The following GALNT11 variants were observed in gnomAD, a reference collection of about 807,000 sequenced individuals.
GALNT11 encodes the protein polypeptide N-acetylgalactosaminyltransferase 11, also known as UDP-GalNAc:polypeptide N-acetylgalactosaminyltransferase 11.
Under a neutral mutation model 72.7 loss-of-function variants are expected in GALNT11, and 47 were observed. That is an observed-to-expected ratio of 0.65 (90% CI 0.51 to 0.82). The LOEUF (loss-of-function observed/expected upper bound fraction) is 0.82, where lower values mean the gene tolerates loss of function less well. GALNT11 is among the 40% of genes least tolerant of loss of function. The pLI is 0.00. For synonymous variants in GALNT11, 270 were observed against 286.6 expected (o/e 0.94, Z 0.58); for missense variants, 677 against 778.4 (o/e 0.87, Z 1.55).
chr7:152,065,120 A>C (rs2084234095), intron 1 of GALNT11, among the ~76,000 whole-genome samples: 1 of 152,090 alleles, frequency 6.6e-6, no homozygotes, highest in Non-Finnish European at 1.5e-5. Context: ...CTTTTCACAT[A>C]GTCTCATATT....
At chr7:152,041,768 G>A (rs1403352855) in intron 1 of GALNT11, among the ~76,000 whole-genome samples, 2 of 152,192 alleles carry the variant, frequency 1.3e-5, no homozygotes, top group East Asian at 3.8e-4. Flanking sequence ...CCTAGAGCAG[G>A]TCATATCCAA....
intron 4 of GALNT11, chr7:152,103,795 G>A (rs76557819): frequency 0.02 from 3,055 of 153,904 alleles, 107 homozygotes; most frequent in African/African-American, 0.07. Context: ...CTGAAACCAC[G>A]ACTCTATGAT....
chr7:152,044,039 A>G (rs1322416838), intron 1 of GALNT11, among the ~76,000 whole-genome samples: 1 of 152,134 alleles, frequency 6.6e-6, no homozygotes, highest in Non-Finnish European at 1.5e-5. Context: ...ACGTATGGGC[A>G]TTACTTGCTG....
At chr7:152,120,747 A>G in intron 10 of GALNT11, 84 bp from the exon 11 acceptor site, 1 of 1,223,850 alleles carries the variant, frequency 8.2e-7, no homozygotes, top group Non-Finnish European at 1.2e-6. Context: ...GAGACCTTAC[A>G]GAATCAATAT....
In GALNT11 at chr7:152,108,167, C is replaced by T. The variant is rs981263195; in HGVS notation, c.842C>T (p.Thr281Met). The change falls in exon 6 of 12, where the codon ACG (threonine) becomes ATG (methionine). Residue 281 changes from threonine (T) to methionine (M), a missense_variant. Transcript: ENST00000430044. ...CPVIDIISAD[T>M]LAYSSSPVVR... ...GTGATTGACATCATCAGCGCCGACA[C>T]GCTGGCCTACAGCTCGTCCCCTGTC... is the stretch of plus-strand genomic sequence containing the variant. 9 of 1,614,016 alleles carry T rather than the reference C, an allele frequency of 5.6e-6. No homozygotes were observed. Among genetic ancestry groups the T allele is most frequent in the African/African-American group, 4.0e-5 (3 of 74,922 alleles).
At chr7:152,105,535 C>A (rs1160243526) in intron 5 of GALNT11, among the ~76,000 whole-genome samples, 165 bp downstream of exon 5, 1 of 152,190 alleles carries the variant, frequency 6.6e-6, no homozygotes, top group African/African-American at 2.4e-5. Flanking sequence ...GTTCATAACG[C>A]CAAGCCTGCC....
rs2087435691 is a variant in GALNT11 at position 152,105,455 on chromosome 7, A to G, written c.712+85A>G. 27 of 1,527,160 alleles carry G rather than the reference A, an allele frequency of 1.8e-5. 1 individual carries two copies. In the South Asian group the frequency reaches 2.9e-4, roughly 16 times the overall value. 94.6% of individuals were successfully genotyped at this position (1,527,160 alleles called of 1,614,324 possible). ...CGCCTGTCCTGATTCTGCAAAGTCT[A>G]TGAAGAGTAGTGTTTCAAACGGACA... On this transcript the variant is annotated intron_variant, in intron 5 of 11. Transcript: ENST00000430044.
At chr7:152,067,893 A>G (rs774319559) in intron 1 of GALNT11, among the ~76,000 whole-genome samples, 5 of 152,148 alleles carry the variant, frequency 3.3e-5, no homozygotes, top group East Asian at 1.9e-4. Flanking sequence ...GAAGCATCCA[A>G]TCATGGCAGA....
At chr7:152,120,760 G>A (rs2089349769) in intron 10 of GALNT11, 71 bp from the exon 11 acceptor site, 7 of 1,307,998 alleles carry the variant, frequency 5.4e-6, no homozygotes, top group South Asian at 3.6e-5. Flanking sequence ...ATCAATATGT[G>A]GAAGAATATG....
chr7:152,063,924 A>G (rs1563053306), intron 1 of GALNT11, among the ~76,000 whole-genome samples: 3 of 152,198 alleles, frequency 2.0e-5, no homozygotes, highest in Non-Finnish European at 2.9e-5. Context: ...GCTGAGAAGA[A>G]TGTATATTCT....
intron 1 of GALNT11, among the ~76,000 whole-genome samples, chr7:152,084,935 A>G (rs892441877): frequency 6.6e-6 from 1 of 151,938 alleles, no homozygotes; most frequent in Non-Finnish European, 1.5e-5. Context: ...TTCTGCTGTC[A>G]ATGTCCCCCT....
chr7:152,076,380 C>T (rs914644878), intron 1 of GALNT11, among the ~76,000 whole-genome samples: 7 of 152,054 alleles, frequency 4.6e-5, no homozygotes, highest in Non-Finnish European at 1.0e-4. Flanking sequence ...TGTGTATTTG[C>T]GAGGTAATCC....
intron 1 of GALNT11, among the ~76,000 whole-genome samples, chr7:152,041,907 CT>C (rs1343631972): frequency 3.9e-5 from 6 of 152,192 alleles, no homozygotes; most frequent in South Asian, 2.1e-4. Flanking sequence ...GAGTAGTAGT[CT>C]GAATTTTGTC....
chr7:152,106,410 C>T (rs1167781018), intron 5 of GALNT11, among the ~76,000 whole-genome samples: 1 of 152,126 alleles, frequency 6.6e-6, no homozygotes, highest in Non-Finnish European at 1.5e-5. Context: ...TCTGTCTTCT[C>T]TTATTTCTCT....
At chr7:152,120,538 AAG>A (rs2089328958) in intron 10 of GALNT11, 2 of 316,172 alleles carry the variant, frequency 6.3e-6, no homozygotes, top group Admixed American at 4.8e-5. Context: ...TCCAGGAATT[AAG>A]AGAGTTATGT....
intron 1 of GALNT11, among the ~76,000 whole-genome samples, chr7:152,091,285 G>A (rs1200489115): frequency 3.4e-5 from 5 of 148,736 alleles, no homozygotes; most frequent in Non-Finnish European, 5.9e-5. Context: ...TTGTCACCCC[G>A]GCTAGATTGC....
chr7:152,114,018 C>T (rs372481529), intron 8 of GALNT11, among the ~76,000 whole-genome samples: 2 of 151,814 alleles, frequency 1.3e-5, no homozygotes, highest in South Asian at 4.2e-4. Context: ...CCTGCCTTGG[C>T]CTCCCGAAGT....
chr7:152,070,486 ATC>A (rs35440952), intron 1 of GALNT11, among the ~76,000 whole-genome samples: 23,568 of 152,040 alleles, frequency 0.16, 1,914 homozygotes, highest in South Asian at 0.18. Context: ...CTGGGAGAGC[ATC>A]TGTTTCCTTG....
chr7:152,097,559 A>C (rs868622706), intron 2 of GALNT11, among the ~76,000 whole-genome samples: 1 of 152,260 alleles, frequency 6.6e-6, no homozygotes, highest in South Asian at 2.1e-4. Flanking sequence ...GTTCATTAGC[A>C]GCACTATTCT....
Sources: allele counts gnomAD v4.1 joint callset (sites outside exome capture counted in the v4.1 genomes callset), GRCh38; gene constraint gnomAD v4.1.1; transcripts MANE v1.5; gene names NCBI Gene and HGNC (gene_info 2026-07-23, HGNC 2026-07-21).